Variants in BMPER observed in about 807,000 individuals in gnomAD.
BMPER encodes the protein BMP-binding endothelial regulator protein.
BMPER carries 45 observed loss-of-function variants against 87.3 expected under a neutral mutation model. The ratio of observed to expected loss-of-function variants is 0.52; its 90% confidence interval spans 0.41 to 0.66. The LOEUF (loss-of-function observed/expected upper bound fraction) is 0.66. BMPER is among the 30% of genes least tolerant of loss of function. BMPER has a pLI of 0.00. For synonymous variants in BMPER, 326 were observed against 316.2 expected, an observed-to-expected ratio of 1.03 and a Z score of -0.33; for missense variants, 784 against 867.5, an observed-to-expected ratio of 0.90 and a Z score of 1.21.
rs939137721 is a variant in BMPER at position 34,052,026 on chromosome 7, T to A, written c.786+56T>A. 29 of 1,453,714 alleles carry A rather than the reference T, an allele frequency of 2.0e-5. No homozygotes were observed. The Middle Eastern group carries it at 7.5e-4, about 38-fold the overall frequency. 90.1% of individuals were successfully genotyped at this position (1,453,714 alleles called of 1,614,324 possible). A position where few individuals can be genotyped will look rare whatever the true frequency, so the allele number is the denominator to read the frequency against. ...CAATGATAGGGTTTGGGTTTCAGTGTTAACATCACAGCCATAGCCAAAGCC... is the reference window on the plus strand; with the variant it reads ...CAATGATAGGGTTTGGGTTTCAGTGATAACATCACAGCCATAGCCAAAGCC... On this transcript the variant is annotated intron_variant, in intron 8 of 14. Transcript: ENST00000649409.
intron 11 of BMPER, among the ~76,000 whole-genome samples, chr7:34,072,768 T>G (rs1472975267): frequency 6.6e-6 from 1 of 152,196 alleles, no homozygotes; most frequent in Non-Finnish European, 1.5e-5. Context: ...TTGGTCATAT[T>G]AGGCATTAGA....
At chr7:33,966,625 T>G in intron 4 of BMPER, 64 bp downstream of exon 4, 4 of 1,489,210 alleles carry the variant, frequency 2.7e-6, no homozygotes, top group Non-Finnish European at 2.8e-6. Context: ...TAGTCACCCC[T>G]TCACACAACA....
At chr7:34,002,544 A>T (rs569030922) in intron 6 of BMPER, among the ~76,000 whole-genome samples, 5 of 151,872 alleles carry the variant, frequency 3.3e-5, no homozygotes, top group East Asian at 1.9e-4. Flanking sequence ...GGCCTACTTG[A>T]TTAACAGTGT....
chr7:34,005,107 T>C (rs1334934011), intron 6 of BMPER, among the ~76,000 whole-genome samples: 1 of 152,064 alleles, frequency 6.6e-6, no homozygotes, highest in Non-Finnish European at 1.5e-5. Flanking sequence ...GAGTGAGAGA[T>C]AAATAATGAC....
At chr7:33,952,595 C>T (rs908440063) in intron 3 of BMPER, among the ~76,000 whole-genome samples, 2 of 152,168 alleles carry the variant, frequency 1.3e-5, no homozygotes, top group African/African-American at 4.8e-5. Flanking sequence ...AATTCAGCAA[C>T]TCTGAAACTG....
At chr7:34,136,104 T>TATTTA (rs1562766107) in intron 13 of BMPER, among the ~76,000 whole-genome samples, 1 of 152,154 alleles carries the variant, frequency 6.6e-6, no homozygotes, top group Admixed American at 6.5e-5. Context: ...GCATGGACAG[T>TATTTA]AGCCACAGGG....
intron 3 of BMPER, among the ~76,000 whole-genome samples, chr7:33,950,549 G>A (rs1038650626): frequency 2.6e-5 from 4 of 152,190 alleles, no homozygotes; most frequent in East Asian, 3.9e-4. Context: ...CGTGGCTGTC[G>A]GCAGAATTCA....
In BMPER at chr7:34,046,357, C is replaced by T. The variant is rs764496244; in HGVS notation, c.628C>T (p.Gln210Ter). Residue 210 changes from glutamine (Q) to a stop codon, truncating the protein, a stop_gained, in exon 7 of 15, where the codon CAG becomes TAG. Coordinates refer to ENST00000649409, the MANE Select transcript of BMPER (RefSeq NM_001365308.1). LOFTEE classifies it high-confidence loss of function. ...REVCPILSCPQHLSHIPPGQC... is the reference protein window; with the variant it reads ...REVCPILSCP ...AGTCTGTCCCATTCTCTCCTGTCCC[C>T]AGCACCTTAGTCACATACCCCCAGG... The T allele has an allele frequency of 6.2e-7, 1 of 1,614,098 alleles. No homozygotes were observed. The highest frequency in any genetic ancestry group is 1.1e-5 in the South Asian group (1 of 91,082).
At chr7:34,038,195 G>A (rs994632096) in intron 6 of BMPER, among the ~76,000 whole-genome samples, 3 of 152,114 alleles carry the variant, frequency 2.0e-5, no homozygotes, top group African/African-American at 7.2e-5. Flanking sequence ...TGGATTCTTT[G>A]GGTGGGCTGC....
intron 11 of BMPER, among the ~76,000 whole-genome samples, chr7:34,065,225 TCTCTCTCTCTC>T: frequency 6.7e-6 from 1 of 149,810 alleles, no homozygotes; most frequent in Non-Finnish European, 1.5e-5. Context: ...TCTCTCTCTC[TCTCTCTCTCTC>T]TCTCTCTCTC....
At chr7:33,909,463 C>G (rs1055736802) in intron 2 of BMPER, among the ~76,000 whole-genome samples, 16 of 152,066 alleles carry the variant, frequency 1.1e-4, no homozygotes, top group African/African-American at 3.9e-4. Context: ...TTGTTAATCG[C>G]ATTATATGAA....
intron 4 of BMPER, 136 bp from the exon 5 acceptor site, chr7:33,970,193 C>T (rs1034427411): frequency 1.2e-6 from 1 of 802,416 alleles, no homozygotes; most frequent in South Asian, 1.4e-5. Context: ...GTTGGTGTCT[C>T]ATACCTCTCG....
In BMPER at chr7:34,111,317, A is replaced by G. The variant is rs80303878; in HGVS notation, c.1745+25225A>G. ...AGGTTTTGCCCATCAATGGCCCTGC[A>G]TCAACCATTTTTGTTCAAATTTAAT... On this transcript the variant is annotated intron_variant, in intron 13 of 14. Coordinates refer to ENST00000649409, the MANE Select transcript of BMPER (RefSeq NM_001365308.1). Among the ~76,000 whole-genome samples the G allele has an allele frequency of 9.9e-3, 1,511 of 152,334 alleles. 22 individuals are homozygous for G. Among genetic ancestry groups the G allele is most frequent in the African/African-American group, 0.034 (1,407 of 41,570 alleles).
intron 6 of BMPER, among the ~76,000 whole-genome samples, chr7:33,988,448 A>T (rs1308487284): frequency 3.3e-5 from 5 of 152,128 alleles, no homozygotes; most frequent in Non-Finnish European, 5.9e-5. Flanking sequence ...AAAACATCAG[A>T]TTGTAAGAGA....
intron 6 of BMPER, among the ~76,000 whole-genome samples, chr7:34,019,403 A>T (rs2127945451): frequency 6.6e-6 from 1 of 152,110 alleles, no homozygotes; most frequent in East Asian, 2.0e-4. Flanking sequence ...CCTCCAACTC[A>T]GATTTTACTT....
intron 13 of BMPER, among the ~76,000 whole-genome samples, chr7:34,121,285 CT>C (rs1446439386): frequency 5.9e-5 from 9 of 152,256 alleles, no homozygotes; most frequent in Non-Finnish European, 1.3e-4. Flanking sequence ...TGTTGTATTA[CT>C]GTCTGTTCTT....
At chr7:34,092,849 CTT>C (rs1206175205) in intron 13 of BMPER, among the ~76,000 whole-genome samples, 5 of 152,220 alleles carry the variant, frequency 3.3e-5, no homozygotes, top group African/African-American at 9.6e-5. Flanking sequence ...CTAAAATCCT[CTT>C]ATGTTTAATT....
chr7:33,970,051 G>T, intron 4 of BMPER, among the ~76,000 whole-genome samples: 1 of 152,166 alleles, frequency 6.6e-6, no homozygotes, highest in Admixed American at 6.5e-5. Context: ...CAGCAAGAAG[G>T]TCTTAAAAAC....
In BMPER at chr7:34,032,810, G is replaced by A. The variant is rs181435602; in HGVS notation, c.577-13496G>A. 2.8e-4 allele frequency among the ~76,000 whole-genome samples: 43 copies of A among 152,176 alleles called. No individual in the cohort carries two copies. In the East Asian group the frequency reaches 7.9e-3, roughly 28 times the overall value. On this transcript the variant is annotated intron_variant, in intron 6 of 14. Coordinates refer to ENST00000649409, the MANE Select transcript of BMPER (RefSeq NM_001365308.1). ...AGTGGTTTCCCGTTTCCCTACCATG[G>A]CATGTTTTATTAGTGTTGGAGTGAG...
Sources: allele counts gnomAD v4.1 joint callset (sites outside exome capture counted in the v4.1 genomes callset), GRCh38; gene constraint gnomAD v4.1.1; transcripts MANE v1.5; gene names NCBI Gene and HGNC (gene_info 2026-07-23, HGNC 2026-07-21).